Variants in DLG2 observed in about 807,000 individuals in gnomAD.
DLG2 encodes the protein disks large homolog 2.
A neutral mutation model predicts 132.5 loss-of-function variants in DLG2; 45 were observed. The ratio of observed to expected loss-of-function variants is 0.34; its 90% CI spans 0.27 to 0.44. The LOEUF (loss-of-function observed/expected upper bound fraction) is 0.44. Among genes scored for constraint, DLG2 ranks in the 20% least tolerant of loss-of-function variants. The probability of loss-of-function intolerance (pLI) is 1.00; values close to 1 mark genes in which losing one functional copy is unlikely to be tolerated. For synonymous variants in DLG2, 424 were observed against 419.6 expected (o/e 1.01, Z -0.13); for missense variants, 1,045 against 1,196.9 (o/e 0.87, Z 1.87).
intron 3 of DLG2, among the ~76,000 whole-genome samples, chr11:85,562,030 T>C (rs928499308): frequency 6.6e-6 from 1 of 151,770 alleles, no homozygotes; most frequent in Non-Finnish European, 1.5e-5. Context: ...GTGGCCAATA[T>C]ACTTAACCAC....
chr11:84,529,610 C>T (rs549409805), intron 7 of DLG2, among the ~76,000 whole-genome samples: 4 of 152,186 alleles, frequency 2.6e-5, no homozygotes, highest in African/African-American at 7.2e-5. Context: ...CTCTACAACA[C>T]GGATGACAAA....
At chr11:84,148,038 C>T (rs1026683987) in intron 9 of DLG2, among the ~76,000 whole-genome samples, 2 of 151,858 alleles carry the variant, frequency 1.3e-5, no homozygotes, top group African/African-American at 2.4e-5. Flanking sequence ...GAGGCTTTAA[C>T]GGGTTAAGTA....
At chr11:85,276,174 A>G (rs2077879942) in intron 4 of DLG2, among the ~76,000 whole-genome samples, 1 of 152,126 alleles carries the variant, frequency 6.6e-6, no homozygotes, top group South Asian at 2.1e-4. Context: ...TTACTCTCTC[A>G]CCATAATATT....
At chr11:84,558,729 C>T (rs753893684) in intron 6 of DLG2, among the ~76,000 whole-genome samples, 1 of 152,198 alleles carries the variant, frequency 6.6e-6, no homozygotes, top group Non-Finnish European at 1.5e-5. Flanking sequence ...AGGGCATAGT[C>T]CACCTACGCC....
intron 6 of DLG2, among the ~76,000 whole-genome samples, chr11:84,861,634 A>C (rs543302960): frequency 3.3e-4 from 24 of 73,568 alleles, no homozygotes; most frequent in East Asian, 2.6e-3. Context: ...AAAAAAAAAA[A>C]AAAAACAAAA....
chr11:84,086,692 G>C (rs1231578751), intron 10 of DLG2, among the ~76,000 whole-genome samples: 2 of 152,050 alleles, frequency 1.3e-5, no homozygotes, highest in East Asian at 3.9e-4. Flanking sequence ...GTTTCACCAT[G>C]TTGTAGAGGC....
At chr11:83,584,308 A>G (rs976322602) in intron 19 of DLG2, among the ~76,000 whole-genome samples, 1 of 152,204 alleles carries the variant, frequency 6.6e-6, no homozygotes, top group Admixed American at 6.5e-5. Context: ...ACTTACGAAA[A>G]TATGTTCGGT....
intron 11 of DLG2, among the ~76,000 whole-genome samples, chr11:84,009,526 T>C (rs559316117): frequency 6.6e-6 from 1 of 152,218 alleles, no homozygotes; most frequent in South Asian, 2.1e-4. Context: ...AAGGAAAAGC[T>C]AAGCTGCCTA....
chr11:84,075,472 A>C (rs1415561287), intron 10 of DLG2, among the ~76,000 whole-genome samples: 1 of 152,206 alleles, frequency 6.6e-6, no homozygotes, highest in Admixed American at 6.5e-5. Flanking sequence ...GTGAATGAAT[A>C]ATAGTTCTTC....
chr11:85,045,499 T>G (rs764657826), intron 6 of DLG2, among the ~76,000 whole-genome samples: 12 of 151,978 alleles, frequency 7.9e-5, no homozygotes, highest in Non-Finnish European at 1.6e-4. Context: ...TAAATTTTCA[T>G]TACTGTAATA....
rs35761640 is a variant in DLG2 at position 84,213,818 on chromosome 11, CAAAAAAAAAAAAAA to C, written c.573+37406_573+37419del. On this transcript the variant is annotated intron_variant, in intron 8 of 27. Transcript: ENST00000376104. ...TGGGTGACAGAGCGAGACTCCGTCTCAAAAAAAAAAAAAAAAAAGAAAAAAAAAAAGGATGTAAG... is the reference window on the plus strand; with the variant it reads ...TGGGTGACAGAGCGAGACTCCGTCTCAAAAGAAAAAAAAAAAGGATGTAAG... Among the ~76,000 whole-genome samples, 7 of 46,564 alleles carry C rather than the reference CAAAAAAAAAAAAAA, an allele frequency of 1.5e-4. No individual in the cohort carries two copies. In the Admixed American group the frequency reaches 1.6e-3, roughly 10 times the overall value. The allele number at this position is 46,564 out of a possible 152,430, so 30.5% of individuals were successfully genotyped here. A position where few individuals can be genotyped will look rare whatever the true frequency, so the allele number is the denominator to read the frequency against.
intron 7 of DLG2, among the ~76,000 whole-genome samples, chr11:84,332,288 T>C (rs997962605): frequency 6.6e-6 from 1 of 150,592 alleles, no homozygotes; most frequent in African/African-American, 2.4e-5. Flanking sequence ...CTTGGCTCAC[T>C]GCAAGCTCCG....
intron 7 of DLG2, among the ~76,000 whole-genome samples, chr11:84,298,745 T>C (rs2098120482): frequency 2.6e-5 from 4 of 152,196 alleles, no homozygotes; most frequent in Admixed American, 2.0e-4. Context: ...AGAAAGATTT[T>C]ATCCAACACA....
intron 11 of DLG2, among the ~76,000 whole-genome samples, chr11:84,031,086 C>A (rs544897601): frequency 6.6e-6 from 1 of 152,078 alleles, no homozygotes; most frequent in South Asian, 2.1e-4. Context: ...TCAGATGAAC[C>A]CAGAAAAGCC....
intron 6 of DLG2, among the ~76,000 whole-genome samples, chr11:84,773,768 G>C (rs745596187): frequency 1.3e-5 from 2 of 152,056 alleles, no homozygotes; most frequent in Non-Finnish European, 2.9e-5. Context: ...CAACAAACTA[G>C]TTATTAAAGG....
chr11:85,428,647 T>C (rs2090949662), intron 3 of DLG2, among the ~76,000 whole-genome samples: 1 of 152,206 alleles, frequency 6.6e-6, no homozygotes, highest in Non-Finnish European at 1.5e-5. Context: ...GGGAAATTTA[T>C]AGCACTAAAT....
At chr11:85,004,748 T>A (rs1195644558) in intron 6 of DLG2, among the ~76,000 whole-genome samples, 1 of 152,216 alleles carries the variant, frequency 6.6e-6, no homozygotes, top group East Asian at 1.9e-4. Context: ...TATTTGTCCA[T>A]TTTGGCTTTT....
At chr11:83,918,739 G>A (rs368008701) in intron 15 of DLG2, among the ~76,000 whole-genome samples, 1 of 148,878 alleles carries the variant, frequency 6.7e-6, no homozygotes, top group Non-Finnish European at 1.5e-5. Context: ...GCTGACCATG[G>A]GTCCCACACG....
chr11:84,720,808 G>C (rs1400080343), intron 6 of DLG2: 1 of 152,352 alleles, frequency 6.6e-6, no homozygotes, highest in Non-Finnish European at 1.5e-5. Context: ...ATTGTCATGC[G>C]AGCTGAAGGG....
Sources: allele counts gnomAD v4.1 joint callset (sites outside exome capture counted in the v4.1 genomes callset), GRCh38; gene constraint gnomAD v4.1.1; transcripts MANE v1.5; gene names NCBI Gene and HGNC (gene_info 2026-07-23, HGNC 2026-07-21).